UBE2R2: variants seen among roughly 807,000 people sequenced by gnomAD.
The protein encoded by UBE2R2 is ubiquitin-conjugating enzyme E2 R2.
A neutral mutation model predicts 27.8 loss-of-function variants in UBE2R2; 1 was observed. That is an observed-to-expected ratio of 0.04 (90% CI 0.01 to 0.17). UBE2R2 has a LOEUF of 0.17. Ranked by LOEUF, UBE2R2 falls within the 10% of genes least tolerant of loss-of-function variation. The pLI is 1.00. For synonymous variants in UBE2R2, 106 were observed against 113.3 expected (o/e 0.94, Z 0.41); for missense variants, 100 against 291.0 (o/e 0.34, Z 4.78).
intron 1 of UBE2R2, among the ~76,000 whole-genome samples, chr9:33,843,014 G>A (rs1467271805): frequency 5.1e-5 from 5 of 97,094 alleles, no homozygotes; most frequent in South Asian, 4.5e-4. Flanking sequence ...TTGTGAGACC[G>A]TGTTTACAAA....
chr9:33,871,772 G>A (rs990618703), intron 1 of UBE2R2, among the ~76,000 whole-genome samples: 1 of 152,124 alleles, frequency 6.6e-6, no homozygotes, highest in Non-Finnish European at 1.5e-5. Context: ...GTACAGTGGC[G>A]TGATCTTGGC....
At chr9:33,884,249 C>G (rs1821805327) in intron 1 of UBE2R2, among the ~76,000 whole-genome samples, 1 of 79,852 alleles carries the variant, frequency 1.3e-5, no homozygotes, top group African/African-American at 3.8e-5. Flanking sequence ...CCCTCTCTTC[C>G]CCCTCCTACC....
At chr9:33,865,293 C>T (rs530193981) in intron 1 of UBE2R2, among the ~76,000 whole-genome samples, 1 of 152,234 alleles carries the variant, frequency 6.6e-6, no homozygotes, top group South Asian at 2.1e-4. Flanking sequence ...GCAACCTCCA[C>T]CTCCTGGGTT....
intron 1 of UBE2R2, among the ~76,000 whole-genome samples, chr9:33,880,476 G>A (rs1218319638): frequency 3.3e-5 from 5 of 151,770 alleles, no homozygotes; most frequent in Non-Finnish European, 5.9e-5. Flanking sequence ...ATTCATTGTG[G>A]CCAAAGAATA....
intron 1 of UBE2R2, among the ~76,000 whole-genome samples, chr9:33,867,874 G>A (rs1587456903): frequency 6.6e-6 from 1 of 152,232 alleles, no homozygotes; most frequent in African/African-American, 2.4e-5. Context: ...AGCTGAGATC[G>A]TGCCACGATA....
intron 1 of UBE2R2, among the ~76,000 whole-genome samples, chr9:33,877,244 C>T (rs577566511): frequency 1.5e-3 from 226 of 147,608 alleles, no homozygotes; most frequent in African/African-American, 5.4e-3. Flanking sequence ...TGCAGTGGCG[C>T]GATCTCGGCT....
intron 1 of UBE2R2, among the ~76,000 whole-genome samples, chr9:33,875,141 T>G (rs1317697743): frequency 6.6e-6 from 1 of 152,130 alleles, no homozygotes; most frequent in Non-Finnish European, 1.5e-5. Flanking sequence ...TAAAAAACTT[T>G]AAATGAAAAT....
chr9:33,886,501 A>G (rs1821855569), intron 1 of UBE2R2, among the ~76,000 whole-genome samples: 1 of 152,058 alleles, frequency 6.6e-6, no homozygotes, highest in South Asian at 2.1e-4. Context: ...CTAAAAATAC[A>G]AAAATTAGCC....
Position 33,917,313 on chromosome 9 carries a change from G to A in UBE2R2, c.*76G>A. Reference sequence around the variant, plus strand: ...GGGGAGCAAGTGGGGACCTGGCCATGGCCCCTCAGCAAAAACCTATTCACA... The same window carrying A: ...GGGGAGCAAGTGGGGACCTGGCCATAGCCCCTCAGCAAAAACCTATTCACA... On this transcript the variant is annotated 3_prime_UTR_variant, in exon 5 of 5. Coordinates refer to ENST00000263228, the MANE Select transcript of UBE2R2 (RefSeq NM_017811.4). 1 of 1,582,224 alleles carries A rather than the reference G, an allele frequency of 6.3e-7. No individual in the cohort carries two copies. The highest frequency in any genetic ancestry group is 1.1e-5 in the South Asian group (1 of 87,012).
At chr9:33,862,539 G>A (rs931265072) in intron 1 of UBE2R2, among the ~76,000 whole-genome samples, 3 of 151,870 alleles carry the variant, frequency 2.0e-5, no homozygotes, top group African/African-American at 4.8e-5. Context: ...TTTCCCACTA[G>A]TATGCACAAA....
intron 1 of UBE2R2, among the ~76,000 whole-genome samples, chr9:33,843,986 C>A (rs980672383): frequency 2.0e-5 from 3 of 152,060 alleles, no homozygotes; most frequent in Non-Finnish European, 4.4e-5. Context: ...ATTTCCAAGG[C>A]CATTTAGTAT....
intron 1 of UBE2R2, among the ~76,000 whole-genome samples, chr9:33,863,163 C>G (rs1821281830): frequency 6.8e-6 from 1 of 147,932 alleles, no homozygotes; most frequent in African/African-American, 2.5e-5. Context: ...ACTCCTGCAG[C>G]CTGTGCAACA....
At chr9:33,890,672 C>T (rs942997866) in intron 2 of UBE2R2, among the ~76,000 whole-genome samples, 20 of 151,806 alleles carry the variant, frequency 1.3e-4, no homozygotes, top group African/African-American at 4.1e-4. Context: ...TAGCCAGGCG[C>T]AGTGGCAGGT....
At chr9:33,815,675 T>C (rs1587415767), upstream of UBE2R2, among the ~76,000 whole-genome samples, 1 of 152,046 alleles carries the variant, frequency 6.6e-6, no homozygotes. Flanking sequence ...GCCCAGGAGG[T>C]TACTGCTAGA....
chr9:33,857,684 A>G (rs959427108), intron 1 of UBE2R2, among the ~76,000 whole-genome samples: 2 of 152,228 alleles, frequency 1.3e-5, no homozygotes. Flanking sequence ...ATATTTAGTT[A>G]TCTGTAGGTT....
At chr9:33,878,382 G>T (rs1364928178) in intron 1 of UBE2R2, among the ~76,000 whole-genome samples, 1 of 152,138 alleles carries the variant, frequency 6.6e-6, no homozygotes, top group Non-Finnish European at 1.5e-5. Flanking sequence ...TAGAGAGGCT[G>T]AGGCAGGAGG....
At chr9:33,824,694 T>G (rs1198653946) in intron 1 of UBE2R2, among the ~76,000 whole-genome samples, 1 of 151,468 alleles carries the variant, frequency 6.6e-6, no homozygotes, top group Non-Finnish European at 1.5e-5. Context: ...TCCCAGCTAC[T>G]TGGGAGGCTG....
At chr9:33,859,174 T>C (rs1238661087) in intron 1 of UBE2R2, among the ~76,000 whole-genome samples, 1 of 152,216 alleles carries the variant, frequency 6.6e-6, no homozygotes, top group African/African-American at 2.4e-5. Context: ...TTGTGGTTTC[T>C]GAGCAGTAAT....
intron 1 of UBE2R2, among the ~76,000 whole-genome samples, chr9:33,840,683 C>T (rs62555906): frequency 0.2 from 30,722 of 151,880 alleles, 3,752 homozygotes; most frequent in East Asian, 0.59. Flanking sequence ...TGCCCAGATC[C>T]ATTAATTTAT....
Sources: allele counts gnomAD v4.1 joint callset (sites outside exome capture counted in the v4.1 genomes callset), GRCh38; gene constraint gnomAD v4.1.1; transcripts MANE v1.5; gene names NCBI Gene and HGNC (gene_info 2026-07-23, HGNC 2026-07-21).